The following ERC2 variants were observed in gnomAD, a reference collection of about 807,000 sequenced individuals.
The protein encoded by ERC2 is ELKS/RAB6-interacting/CAST family member 2.
Under a neutral mutation model 114.8 loss-of-function variants are expected in ERC2, and 42 were observed. The observed-to-expected ratio is 0.37, with a 90% CI of 0.29 to 0.47. The LOEUF is 0.47. ERC2 is among the 20% of genes least tolerant of loss of function. The pLI is 0.99. For synonymous variants in ERC2, 454 were observed against 425.5 expected, an observed-to-expected ratio of 1.07 and a Z score of -0.82; for missense variants, 939 against 1,150.7, an observed-to-expected ratio of 0.82 and a Z score of 2.66.
At chr3:56,147,813 G>T (rs535198268) in intron 5 of ERC2, among the ~76,000 whole-genome samples, 1 of 152,090 alleles carries the variant, frequency 6.6e-6, no homozygotes, top group African/African-American at 2.4e-5. Context: ...ACAGATAAAA[G>T]CATCTCACAG....
chr3:56,103,140 G>T (rs751498600), intron 6 of ERC2, among the ~76,000 whole-genome samples: 5 of 152,120 alleles, frequency 3.3e-5, no homozygotes, highest in African/African-American at 4.8e-5. Context: ...AGACGAAAGA[G>T]AAAATGGTCA....
intron 7 of ERC2, among the ~76,000 whole-genome samples, chr3:56,075,964 T>C (rs2076950276): frequency 6.6e-6 from 1 of 152,164 alleles, no homozygotes; most frequent in African/African-American, 2.4e-5. Flanking sequence ...AATCCCACAG[T>C]GTCCTTACCC....
rs142601983 is a variant in ERC2, at chr3:56,079,619, C to T, written c.1641+1198G>A. 5.6e-3 allele frequency among the ~76,000 whole-genome samples: 852 copies of T among 152,212 alleles called. 16 individuals are homozygous for T. The highest frequency in any genetic ancestry group is 0.038 in the Admixed American group (578 of 15,288). Reference sequence around the variant, plus strand: ...GAGGTGGGGACAGCTCCATGGACCTCTGACCTGTGCAGCTGCACAGGTCCC... The same window carrying T: ...GAGGTGGGGACAGCTCCATGGACCTTTGACCTGTGCAGCTGCACAGGTCCC... On this transcript the variant is annotated intron_variant, in intron 7 of 17. Transcript: ENST00000288221.
intron 13 of ERC2, among the ~76,000 whole-genome samples, chr3:55,919,585 A>G (rs1463060932): frequency 6.6e-6 from 1 of 152,164 alleles, no homozygotes; most frequent in East Asian, 1.9e-4. Context: ...CAACCTCACA[A>G]CTTTATCTTC....
chr3:55,671,683 C>T (rs1167130173), intron 17 of ERC2, among the ~76,000 whole-genome samples: 1 of 152,182 alleles, frequency 6.6e-6, no homozygotes, highest in Admixed American at 6.5e-5. Context: ...TCGGCCTTCT[C>T]CTTTTCAGGC....
intron 14 of ERC2, among the ~76,000 whole-genome samples, chr3:55,860,154 C>CA (rs1263669452): frequency 6.6e-6 from 1 of 152,098 alleles, no homozygotes; most frequent in African/African-American, 2.4e-5. Flanking sequence ...GATGTTATAA[C>CA]CTTGTTAATG....
At chr3:56,060,916 A>G (rs2076218737) in intron 7 of ERC2, among the ~76,000 whole-genome samples, 1 of 152,090 alleles carries the variant, frequency 6.6e-6, no homozygotes, top group South Asian at 2.1e-4. Context: ...CCTTTCTTTA[A>G]TCTTGCACAT....
chr3:55,977,645 T>C (rs1489456638), intron 12 of ERC2, among the ~76,000 whole-genome samples: 1 of 152,216 alleles, frequency 6.6e-6, no homozygotes, highest in East Asian at 1.9e-4. Flanking sequence ...CTGTAAATGG[T>C]TTAGCCTCTG....
chr3:56,142,645 T>C (rs1464434944), intron 5 of ERC2, among the ~76,000 whole-genome samples: 1 of 152,170 alleles, frequency 6.6e-6, no homozygotes, highest in Admixed American at 6.5e-5. Context: ...TCTTTATTCA[T>C]ATTTTCAATC....
intron 6 of ERC2, among the ~76,000 whole-genome samples, chr3:56,117,454 TTCCA>T (rs1342122032): frequency 2.0e-5 from 3 of 152,164 alleles, no homozygotes; most frequent in Non-Finnish European, 4.4e-5. Context: ...CAAGAGACAT[TTCCA>T]TCCTTAGAAG....
chr3:55,637,034 G>C (rs1436027927), intron 17 of ERC2, among the ~76,000 whole-genome samples: 1 of 152,124 alleles, frequency 6.6e-6, no homozygotes, highest in Admixed American at 6.5e-5. Flanking sequence ...AGGTGTGCCC[G>C]TTCACTCCTG....
intron 17 of ERC2, chr3:55,610,614 G>A (rs2058872820): frequency 1.3e-5 from 2 of 152,310 alleles, no homozygotes; most frequent in Admixed American, 1.3e-4. Context: ...GGCTGAGGTG[G>A]GAGGATTCCT....
intron 2 of ERC2, among the ~76,000 whole-genome samples, chr3:56,359,653 A>G (rs962817697): frequency 2.0e-5 from 3 of 152,232 alleles, no homozygotes; most frequent in Non-Finnish European, 2.9e-5. Flanking sequence ...TTATAAAGAA[A>G]AGAGGTTTAT....
intron 14 of ERC2, among the ~76,000 whole-genome samples, chr3:55,867,707 T>A (rs946043566): frequency 6.6e-6 from 1 of 152,210 alleles, no homozygotes; most frequent in Non-Finnish European, 1.5e-5. Context: ...ATAATATGTA[T>A]GCATAATTTC....
intron 2 of ERC2, among the ~76,000 whole-genome samples, chr3:56,349,840 G>C (rs2058481104): frequency 6.6e-6 from 1 of 151,682 alleles, no homozygotes; most frequent in South Asian, 2.1e-4. Flanking sequence ...TTGAACCCAG[G>C]AGGTGGAGGT....
At chr3:55,515,881 G>A (rs1451021313) in intron 17 of ERC2, among the ~76,000 whole-genome samples, 1 of 152,116 alleles carries the variant, frequency 6.6e-6, no homozygotes, top group Admixed American at 6.6e-5. Context: ...GTAGTGATTT[G>A]CAGAAACAGG....
intron 17 of ERC2, among the ~76,000 whole-genome samples, chr3:55,516,243 TA>T (rs60032562): frequency 0.4 from 56,552 of 142,136 alleles, 10,864 homozygotes; most frequent in Middle Eastern, 0.51. Flanking sequence ...TCGTTTCTGC[TA>T]AAAAAAAAAA....
intron 13 of ERC2, among the ~76,000 whole-genome samples, chr3:55,933,639 C>T (rs965125821): frequency 6.6e-6 from 1 of 152,198 alleles, no homozygotes; most frequent in African/African-American, 2.4e-5. Context: ...CGTCAAAGTC[C>T]GTTTGGAGAG....
At chr3:56,391,417 G>A (rs1435530095) in intron 2 of ERC2, among the ~76,000 whole-genome samples, 1 of 152,128 alleles carries the variant, frequency 6.6e-6, no homozygotes, top group South Asian at 2.1e-4. Context: ...CATTCACTCT[G>A]AGAAGACTCT....
Sources: allele counts gnomAD v4.1 joint callset (sites outside exome capture counted in the v4.1 genomes callset), GRCh38; gene constraint gnomAD v4.1.1; transcripts MANE v1.5; gene names NCBI Gene and HGNC (gene_info 2026-07-23, HGNC 2026-07-21).